SLC25A25: variants seen among roughly 807,000 people sequenced by gnomAD.
The protein encoded by SLC25A25 is solute carrier family 25 member 25.
Under a neutral mutation model 57.7 loss-of-function variants are expected in SLC25A25, and 32 were observed. That is an observed-to-expected ratio of 0.55 (90% CI 0.42 to 0.74). The LOEUF is 0.74. Ranked by LOEUF, SLC25A25 falls within the 30% of genes least tolerant of loss-of-function variation. SLC25A25 has a pLI of 0.00. For missense variants in SLC25A25, 556 were observed against 701.3 expected (o/e 0.79, Z 2.34); for synonymous variants, 306 against 291.2 (o/e 1.05, Z -0.52).
chr9:128,078,182 G>T (rs1047769015), intron 1 of SLC25A25, among the ~76,000 whole-genome samples: 1 of 152,134 alleles, frequency 6.6e-6, no homozygotes, highest in Non-Finnish European at 1.5e-5. Flanking sequence ...CTGCATAAGG[G>T]GGGTGTGTGG....
Position 128,099,073 on chromosome 9 carries a change from G to A in SLC25A25, c.262-2023G>A. The A allele has an allele frequency of 1.0e-6, 1 of 985,464 alleles. No individual in the cohort carries two copies. Among genetic ancestry groups the A allele is most frequent in the East Asian group, 1.1e-4 (1 of 8,812 alleles). 61.0% of individuals were successfully genotyped at this position (985,464 alleles called of 1,614,324 possible). On this transcript the variant is annotated intron_variant, in intron 1 of 10. Transcript: ENST00000373069. The surrounding 1 kb of genome is among the most constrained non-coding windows in gnomAD (Gnocchi z 6.8). ...AGTGCATGGGAGGAGAAGGCAGGGA[G>A]GCCCAGGAGTTGAGGGTGCTGCGTG...
At chr9:128,083,990 C>T (rs1833219717) in intron 1 of SLC25A25, among the ~76,000 whole-genome samples, 1 of 152,126 alleles carries the variant, frequency 6.6e-6, no homozygotes, top group South Asian at 2.1e-4. Flanking sequence ...CTCCTTTATA[C>T]TCTGGGCATT....
At chr9:128,098,990 T>C in intron 1 of SLC25A25, 1 of 985,318 alleles carries the variant, frequency 1.0e-6, no homozygotes, top group Non-Finnish European at 1.2e-6. Flanking sequence ...TTTGCTGGAA[T>C]GAGGGGGGTG....
chr9:128,074,763 G>A (rs1488154619), intron 1 of SLC25A25, among the ~76,000 whole-genome samples: 2 of 152,162 alleles, frequency 1.3e-5, no homozygotes, highest in Non-Finnish European at 2.9e-5. Flanking sequence ...CACTTTATGA[G>A]GCTGAGGTGG....
chr9:128,094,431 C>T (rs1347113659), intron 1 of SLC25A25: 1 of 152,094 alleles, frequency 6.6e-6, no homozygotes, highest in African/African-American at 2.4e-5. Context: ...GAGAATTTTG[C>T]TTATTGTGTG....
Position 128,095,545 on chromosome 9 carries a change from G to A in SLC25A25, c.262-5551G>A, listed in dbSNP as rs1013851171. 5.9e-5 allele frequency among the ~76,000 whole-genome samples: 9 copies of A among 152,180 alleles called. No individual in the cohort carries two copies. The highest frequency in any genetic ancestry group is 2.2e-4 in the African/African-American group (9 of 41,432). ...ATGAACATGGAGTCTTGAGTTACCT[G>A]TGAAACTCAGTAGGATGGATGATTT... On this transcript the variant is annotated intron_variant, in intron 1 of 10. Coordinates refer to ENST00000373069, the MANE Select transcript of SLC25A25 (RefSeq NM_001330988.2). This position sits in a 1 kb window ranked among gnomAD's most constrained non-coding sequence, Gnocchi z 4.4.
intron 1 of SLC25A25, among the ~76,000 whole-genome samples, chr9:128,072,469 G>C (rs1456816743): frequency 2.0e-5 from 3 of 152,286 alleles, no homozygotes; most frequent in Admixed American, 2.0e-4. Flanking sequence ...GGGGGTGATG[G>C]GTAAACCCAG....
Position 128,102,332 on chromosome 9 carries a change from CA to C in SLC25A25, c.513-37del. 6.4e-7 allele frequency: 1 copy of C among 1,567,030 alleles called. No homozygotes were observed. The highest frequency in any genetic ancestry group is 8.8e-7 in the Non-Finnish European group (1 of 1,138,714). On this transcript the variant is annotated intron_variant, in intron 4 of 10. Transcript: ENST00000373069. This position sits in a 1 kb window ranked among gnomAD's most constrained non-coding sequence, Gnocchi z 4.1. Reference sequence around the variant, plus strand: ...TGGGGGGATGCAGCTGGCGGATGGGCATGTGGGCACGTGGGCAGCCTCGCCT... The same window carrying C: ...TGGGGGGATGCAGCTGGCGGATGGGCTGTGGGCACGTGGGCAGCCTCGCCT...
intron 1 of SLC25A25, among the ~76,000 whole-genome samples, chr9:128,089,773 T>C (rs1833356984): frequency 6.6e-6 from 1 of 151,862 alleles, no homozygotes. Flanking sequence ...TAGCTGGGAC[T>C]ACAACAGGCA....
At chr9:128,083,737 C>T (rs888903880) in intron 1 of SLC25A25, among the ~76,000 whole-genome samples, 1 of 150,540 alleles carries the variant, frequency 6.6e-6, no homozygotes, top group South Asian at 2.1e-4. Flanking sequence ...CCAGGATGGC[C>T]TCTATCTCCT....
intron 1 of SLC25A25, among the ~76,000 whole-genome samples, chr9:128,086,205 CA>C (rs1364902344): frequency 6.6e-6 from 1 of 151,770 alleles, no homozygotes; most frequent in Non-Finnish European, 1.5e-5. Flanking sequence ...CTCTGTTGCC[CA>C]GGCTAGAATG....
Position 128,081,079 on chromosome 9 carries a change from A to G in SLC25A25, c.261+12499A>G, listed in dbSNP as rs529429983. Among the ~76,000 whole-genome samples the G allele has an allele frequency of 3.3e-5, 5 of 152,350 alleles. No homozygotes were observed. In the East Asian group the frequency reaches 9.6e-4, roughly 29 times the overall value. ...AGAAGGAAAAATAGGATCTAAAGGT[A>G]GATAGTTCTATAGCTAAAGAATTCC... On this transcript the variant is annotated intron_variant, in intron 1 of 10. Transcript: ENST00000373069.
intron 1 of SLC25A25, among the ~76,000 whole-genome samples, chr9:128,087,147 A>G (rs9776305): frequency 0.74 from 112,629 of 151,226 alleles, 43,650 homozygotes; most frequent in Non-Finnish European, 0.85. Context: ...CCCGGAAGGC[A>G]GAGGTTACAG....
chr9:128,099,504 G>A lies in SLC25A25; in HGVS notation c.262-1592G>A, dbSNP rs1833700578. ...GCTCCATGCCTGATGTTCGCCTCCTGCCTAAATGGCTTGTCCACTCTATTT... is the reference window on the plus strand; with the variant it reads ...GCTCCATGCCTGATGTTCGCCTCCTACCTAAATGGCTTGTCCACTCTATTT... On this transcript the variant is annotated intron_variant, in intron 1 of 10. Transcript: ENST00000373069. This position sits in a 1 kb window ranked among gnomAD's most constrained non-coding sequence, Gnocchi z 6.8. 6 of 753,676 alleles carry A rather than the reference G, an allele frequency of 8.0e-6. No homozygotes were observed. The highest frequency in any genetic ancestry group is 5.6e-4 in the Middle Eastern group (1 of 1,792). 46.7% of individuals were successfully genotyped at this position (753,676 alleles called of 1,614,324 possible). A position where few individuals can be genotyped will look rare whatever the true frequency, so the allele number is the denominator to read the frequency against.
Position 128,077,335 on chromosome 9 carries a change from G to A in SLC25A25, c.261+8755G>A, listed in dbSNP as rs188115970. Among the ~76,000 whole-genome samples the A allele has an allele frequency of 6.8e-4, 104 of 151,862 alleles. 1 individual carries two copies. The highest frequency in any genetic ancestry group is 2.3e-3 in the African/African-American group (96 of 41,390). On this transcript the variant is annotated intron_variant, in intron 1 of 10. Transcript: ENST00000373069. ...GAGGTCAGGGGATCGATACCACGGT[G>A]AAACCCCGTCTCTACTAAAAATACA...
At chr9:128,089,180 C>T (rs1833343574) in intron 1 of SLC25A25, among the ~76,000 whole-genome samples, 1 of 152,124 alleles carries the variant, frequency 6.6e-6, no homozygotes, top group Non-Finnish European at 1.5e-5. Context: ...ACGTGAACCA[C>T]CACTCCTGGC....
At chr9:128,091,268 C>T (rs1833396384) in intron 1 of SLC25A25, 1 of 214,550 alleles carries the variant, frequency 4.7e-6, no homozygotes, top group African/African-American at 2.3e-5. Context: ...ATTCTGTAAG[C>T]TGAGCCTCAT....
chr9:128,090,966 C>G (rs1333311707), intron 1 of SLC25A25: 4 of 152,226 alleles, frequency 2.6e-5, no homozygotes, highest in East Asian at 3.8e-4. Flanking sequence ...TCAGTTCGGT[C>G]TACAGACTTA....
At chr9:128,082,491 G>A (rs1057087343) in intron 1 of SLC25A25, among the ~76,000 whole-genome samples, 2 of 152,130 alleles carry the variant, frequency 1.3e-5, no homozygotes, top group Non-Finnish European at 2.9e-5. Flanking sequence ...AGCGGAGACT[G>A]ACATTCACCT....
Sources: gnomAD v4.1 joint callset for allele counts (sites outside exome capture counted in the v4.1 genomes callset) on GRCh38, gnomAD v4.1.1 for gene constraint, Gnocchi (gnomAD v3.1) non-coding constraint, MANE v1.5 for transcripts, NCBI Gene and HGNC (gene_info 2026-07-23, HGNC 2026-07-21) for gene names.